The following ELK3 variants were observed in gnomAD, a reference collection of about 807,000 sequenced individuals.
ELK3 encodes the protein ETS domain-containing protein Elk-3.
Under a neutral mutation model 28.9 loss-of-function variants are expected in ELK3, and 10 were observed. The observed-to-expected ratio is 0.35, with a 90% CI of 0.21 to 0.59. The LOEUF is 0.59. ELK3 is among the 20% of genes least tolerant of loss of function. The pLI is 0.82. For synonymous variants in ELK3, 272 were observed against 243.5 expected (o/e 1.12, Z -1.09); for missense variants, 463 against 517.3 (o/e 0.90, Z 1.02).
Position 96,195,002 on chromosome 12 carries a change from G to T in ELK3, c.-3+297G>T, listed in dbSNP as rs375049962. On this transcript the variant is annotated intron_variant, in intron 1 of 4. Transcript: ENST00000228741. ...GCTCCCCTCCCTGGGGCTGCGCTGC[G>T]ACCCCAGAGGAAGGGGCGCCGGGCG... Among the ~76,000 whole-genome samples, 11 of 151,650 alleles carry T rather than the reference G, an allele frequency of 7.3e-5. No homozygotes were observed. The East Asian group carries it at 2.0e-3, about 27-fold the overall frequency.
chr12:96,195,844 C>G (rs1951461239), intron 1 of ELK3, among the ~76,000 whole-genome samples: 1 of 152,088 alleles, frequency 6.6e-6, no homozygotes, highest in Non-Finnish European at 1.5e-5. Flanking sequence ...TTTACAGTTT[C>G]CTTTGTAGTG....
chr12:96,247,282 A>G lies in ELK3; in HGVS notation c.550A>G (p.Arg184Gly), dbSNP rs1951864190. The G allele has an allele frequency of 2.0e-5, 32 of 1,614,234 alleles. No individual in the cohort carries two copies. The East Asian group carries it at 7.1e-4, about 36-fold the overall frequency. Residue 184 changes from arginine to glycine, a missense_variant, in exon 3 of 5, where the codon AGG (arginine) becomes GGG (glycine). Transcript: ENST00000228741. This position sits in a 1 kb window ranked among gnomAD's most constrained non-coding sequence, Gnocchi z 5.5. ...PPVEEVRTVI[R>G]FVTNKTDKHV... ...CGTGGAAGAAGTCAGGACTGTGATCAGGTTTGTGACCAATAAAACCGACAA... is the reference window on the plus strand; with the variant it reads ...CGTGGAAGAAGTCAGGACTGTGATCGGGTTTGTGACCAATAAAACCGACAA...
Position 96,254,832 on chromosome 12 carries a change from A to G in ELK3, c.1003-4899A>G, listed in dbSNP as rs543240056. 3.7e-4 allele frequency among the ~76,000 whole-genome samples: 56 copies of G among 152,230 alleles called. No individual in the cohort carries two copies. In the South Asian group the frequency reaches 0.011, roughly 31 times the overall value. On this transcript the variant is annotated intron_variant, in intron 3 of 4. Coordinates refer to ENST00000228741, the MANE Select transcript of ELK3 (RefSeq NM_005230.4). ...TCCTGGAGGGGGTGAGACCACTGGT[A>G]CAGGGTGTTGAAGGATCAGCCTGTG...
chr12:96,255,998 G>A (rs1951945190), intron 3 of ELK3, among the ~76,000 whole-genome samples: 1 of 118,206 alleles, frequency 8.5e-6, no homozygotes, highest in South Asian at 3.4e-4. Context: ...AGATTATGGG[G>A]AACCTCAAAT....
intron 2 of ELK3, among the ~76,000 whole-genome samples, chr12:96,235,541 A>G (rs1784065784): frequency 1.3e-5 from 2 of 152,016 alleles, no homozygotes; most frequent in South Asian, 4.1e-4. Context: ...TTGGAAAGTC[A>G]CTCAAGAGAG....
At chr12:96,210,683 T>C (rs1341224923) in intron 1 of ELK3, among the ~76,000 whole-genome samples, 3 of 152,102 alleles carry the variant, frequency 2.0e-5, no homozygotes, top group African/African-American at 7.2e-5. Flanking sequence ...CCCTTGCTTA[T>C]TTAGTGTTGG....
intron 1 of ELK3, among the ~76,000 whole-genome samples, chr12:96,199,270 T>TATTTGTACA (rs1951493084): frequency 3.3e-5 from 5 of 152,214 alleles, no homozygotes; most frequent in African/African-American, 1.2e-4. Context: ...TTTTGTACAT[T>TATTTGTACA]TTAACAACTC....
chr12:96,247,389 G>A lies in ELK3; in HGVS notation c.657G>A (p.Ser219=), dbSNP rs374785572. The A allele has an allele frequency of 3.1e-5, 50 of 1,614,094 alleles. No individual in the cohort carries two copies. Among genetic ancestry groups the A allele is most frequent in the African/African-American group, 4.0e-5 (3 of 75,028 alleles). The change falls in exon 3 of 5, where the codon TCG becomes TCA. Residue 219 remains serine, a synonymous_variant. Transcript: ENST00000228741. This position sits in a 1 kb window ranked among gnomAD's most constrained non-coding sequence, Gnocchi z 5.5. ...CCGCCTTCCTGGCCTCGTCCGTCTC[G>A]GCCAAGATCTCCTCTTTAATGTTGC... ...AASAFLASSV[S]AKISSLMLPN...
intron 3 of ELK3, among the ~76,000 whole-genome samples, chr12:96,252,744 A>G (rs1951917277): frequency 6.6e-6 from 1 of 152,198 alleles, no homozygotes; most frequent in Non-Finnish European, 1.5e-5. Flanking sequence ...GAGCAGAGAA[A>G]GTGGTTTCTT....
intron 3 of ELK3, among the ~76,000 whole-genome samples, chr12:96,259,011 TA>T (rs1951972660): frequency 6.6e-6 from 1 of 152,190 alleles, no homozygotes. Context: ...CGTGTGTTCG[TA>T]ACCCAAGTAA....
At chr12:96,211,377 A>G (rs1364668309) in intron 1 of ELK3, among the ~76,000 whole-genome samples, 2 of 152,032 alleles carry the variant, frequency 1.3e-5, no homozygotes, top group Non-Finnish European at 2.9e-5. Flanking sequence ...TGGTGAAATT[A>G]TGTGTATTTT....
intron 2 of ELK3, among the ~76,000 whole-genome samples, chr12:96,244,632 G>A (rs1229985235): frequency 2.0e-5 from 3 of 151,520 alleles, no homozygotes; most frequent in South Asian, 4.2e-4. Flanking sequence ...GTTCAAACTC[G>A]CTGAGGGAAA....
At chr12:96,243,732 T>A (rs1209249450) in intron 2 of ELK3, among the ~76,000 whole-genome samples, 2 of 151,840 alleles carry the variant, frequency 1.3e-5, no homozygotes, top group Non-Finnish European at 1.5e-5. Context: ...TAGTCCCAGC[T>A]ACTCAGAGGC....
chr12:96,223,498 C>T (rs575008195), intron 1 of ELK3, 67 bp from the exon 2 acceptor site: 232 of 1,539,036 alleles, frequency 1.5e-4, no homozygotes, highest in Non-Finnish European at 2.0e-4. Context: ...CTGAAGCCCC[C>T]TCTCTCCTCG....
At chr12:96,214,459 A>C (rs117699947) in intron 1 of ELK3, among the ~76,000 whole-genome samples, 2,436 of 144,452 alleles carry the variant, frequency 0.017, 50 homozygotes, top group Admixed American at 0.062. Context: ...AACAAACAAA[A>C]AAAAAAACAG....
At position 96,247,784 on chromosome 12, in the gene ELK3, C is replaced by CA; in HGVS notation, c.1002+56dup. 1.4e-6 allele frequency: 2 copies of CA among 1,456,228 alleles called. No homozygotes were observed. The highest frequency in any genetic ancestry group is 9.0e-7 in the Non-Finnish European group (1 of 1,105,690). The allele number at this position is 1,456,228 out of a possible 1,614,324, so 90.2% of individuals were successfully genotyped here. ...GCCACAGCCAGCTTCAGTGGCTTAG[C>CA]AAAAAAGGAAGAGCAACTAAAGAGA... On this transcript the variant is annotated intron_variant, in intron 3 of 4. Coordinates refer to ENST00000228741, the MANE Select transcript of ELK3 (RefSeq NM_005230.4). This position sits in a 1 kb window ranked among gnomAD's most constrained non-coding sequence, Gnocchi z 5.5.
intron 1 of ELK3, among the ~76,000 whole-genome samples, chr12:96,216,848 C>T (rs1328341663): frequency 2.0e-5 from 3 of 152,220 alleles, no homozygotes; most frequent in African/African-American, 7.2e-5. Context: ...CAAAGTCCCA[C>T]AACCAGACAG....
chr12:96,219,191 TACTC>T (rs1358967507), intron 1 of ELK3, among the ~76,000 whole-genome samples: 1 of 152,228 alleles, frequency 6.6e-6, no homozygotes, highest in African/African-American at 2.4e-5. Flanking sequence ...CTGTCTGAAT[TACTC>T]ACATTCCTTA....
At chr12:96,258,277 A>G (rs17737199) in intron 3 of ELK3, among the ~76,000 whole-genome samples, 32,956 of 152,228 alleles carry the variant, frequency 0.22, 4,452 homozygotes, top group Middle Eastern at 0.33. Flanking sequence ...TATTCAAAAC[A>G]TGTATTTATT....
Sources: gnomAD v4.1 joint callset for allele counts (sites outside exome capture counted in the v4.1 genomes callset) on GRCh38, gnomAD v4.1.1 for gene constraint, Gnocchi (gnomAD v3.1) non-coding constraint, MANE v1.5 for transcripts, NCBI Gene and HGNC (gene_info 2026-07-23, HGNC 2026-07-21) for gene names.